The following DZIP3 variants were observed in gnomAD, a reference collection of about 807,000 sequenced individuals.
The protein encoded by DZIP3 is E3 ubiquitin-protein ligase DZIP3.
Under a neutral mutation model 162.0 loss-of-function variants are expected in DZIP3, and 118 were observed. That is an observed-to-expected ratio of 0.73 (90% CI 0.63 to 0.85). The LOEUF (loss-of-function observed/expected upper bound fraction) is 0.85, where lower values mean the gene tolerates loss of function less well. Among genes scored for constraint, DZIP3 ranks in the 40% least tolerant of loss-of-function variants. DZIP3 has a pLI of 0.00. For missense variants in DZIP3, 1,331 were observed against 1,407.0 expected, an observed-to-expected ratio of 0.95 and a Z score of 0.86; for synonymous variants, 438 against 458.6, an observed-to-expected ratio of 0.96 and a Z score of 0.57.
chr3:108,641,154 C>T (rs979647275), intron 12 of DZIP3, among the ~76,000 whole-genome samples: 1 of 151,908 alleles, frequency 6.6e-6, no homozygotes, highest in Non-Finnish European at 1.5e-5. Flanking sequence ...AATAATTATA[C>T]CACAGCATGT....
intron 1 of DZIP3, among the ~76,000 whole-genome samples, chr3:108,591,379 A>G (rs934357991): frequency 1.3e-5 from 2 of 152,254 alleles, no homozygotes; most frequent in African/African-American, 2.4e-5. Flanking sequence ...TGAAGTGATC[A>G]GAGTTTGATA....
At chr3:108,637,084 T>TA (rs1324647936) in intron 11 of DZIP3, among the ~76,000 whole-genome samples, 1 of 152,024 alleles carries the variant, frequency 6.6e-6, no homozygotes, top group Non-Finnish European at 1.5e-5. Flanking sequence ...TGAAGGTATC[T>TA]ACAGAACATC....
At chr3:108,596,280 C>T (rs572285228) in intron 1 of DZIP3, among the ~76,000 whole-genome samples, 6 of 152,274 alleles carry the variant, frequency 3.9e-5, no homozygotes, top group African/African-American at 1.4e-4. Flanking sequence ...GGGCAGATAC[C>T]TGGATTTCTA....
intron 25 of DZIP3, 70 bp from the exon 26 acceptor site, chr3:108,677,427 C>A: frequency 8.1e-7 from 1 of 1,241,272 alleles, no homozygotes; most frequent in South Asian, 1.2e-5. Context: ...AAAACTACAT[C>A]AGATATTCCC....
intron 21 of DZIP3, among the ~76,000 whole-genome samples, chr3:108,669,072 T>G (rs1231818638): frequency 2.6e-5 from 4 of 151,964 alleles, no homozygotes; most frequent in South Asian, 2.1e-4. Flanking sequence ...TTCTTACATA[T>G]TAATTTTGAA....
Position 108,661,905 on chromosome 3 carries a change from A to T in DZIP3, c.2228A>T (p.Tyr743Phe), listed in dbSNP as rs776499806. 1 of 1,613,988 alleles carries T rather than the reference A, an allele frequency of 6.2e-7. No homozygotes were observed. Among genetic ancestry groups the T allele is most frequent in the African/African-American group, 1.3e-5 (1 of 75,036 alleles). ...TCAGCTGGCAAAGTAACTACAGACT[A>T]TGGAGAAACTGAAAAGGAAAGGCTT... ...QGSAGKVTTDYGETEKERLAR... is the reference protein window; with the variant it reads ...QGSAGKVTTDFGETEKERLAR... Residue 743 changes from tyrosine to phenylalanine, a missense_variant, in exon 20 of 33, where the codon TAT becomes TTT. By Grantham distance (22) the Tyr-to-Phe change is conservative. Coordinates refer to ENST00000361582, the MANE Select transcript of DZIP3 (RefSeq NM_014648.4).
chr3:108,656,194 T>C (rs1471242293), intron 19 of DZIP3, among the ~76,000 whole-genome samples: 4 of 152,180 alleles, frequency 2.6e-5, no homozygotes, highest in African/African-American at 9.7e-5. Flanking sequence ...ACAGCCTGCC[T>C]CCTCAAGTGG....
chr3:108,613,085 C>G (rs1458506647), intron 4 of DZIP3, among the ~76,000 whole-genome samples: 1 of 152,010 alleles, frequency 6.6e-6, no homozygotes, highest in East Asian at 1.9e-4. Flanking sequence ...ATTTAGAAAT[C>G]AATACTGCAT....
At chr3:108,647,592 G>A (rs1399333410) in intron 15 of DZIP3, among the ~76,000 whole-genome samples, 2 of 152,108 alleles carry the variant, frequency 1.3e-5, no homozygotes, top group Non-Finnish European at 2.9e-5. Flanking sequence ...TCAGATATAT[G>A]TGCTAAAATA....
chr3:108,659,416 G>A (rs1008975331), intron 19 of DZIP3, among the ~76,000 whole-genome samples: 6 of 152,168 alleles, frequency 3.9e-5, no homozygotes, highest in African/African-American at 1.4e-4. Context: ...TGCAGAAAAG[G>A]CCTTTGACAA....
At chr3:108,668,036 T>G (rs56837037) in intron 21 of DZIP3, among the ~76,000 whole-genome samples, 2,895 of 152,260 alleles carry the variant, frequency 0.019, 100 homozygotes, top group African/African-American at 0.066. Context: ...AAATATTCTT[T>G]AATTGTAAAT....
At position 108,625,969 on chromosome 3, in the gene DZIP3, G is replaced by C; in HGVS notation, c.581G>C (p.Arg194Thr). The change falls in exon 7 of 33, where the codon AGA becomes ACA. Residue 194 changes from arginine to threonine, a missense_variant and splice_region_variant. Physicochemically the swap from Arg to Thr is moderately conservative, Grantham distance 71. Coordinates refer to ENST00000361582, the MANE Select transcript of DZIP3 (RefSeq NM_014648.4). ...GRGLLRCAQKRYNGGLLEFHK... is the reference protein window; with the variant it reads ...GRGLLRCAQKTYNGGLLEFHK... ...GGTTTACTGCGATGTGCTCAAAAGA[G>C]GTAAGGATTTTAATTAACGGGTAGA... The C allele has an allele frequency of 6.2e-7, 1 of 1,610,886 alleles. No individual in the cohort carries two copies. The highest frequency in any genetic ancestry group is 8.5e-7 in the Non-Finnish European group (1 of 1,178,936).
At chr3:108,618,441 G>A (rs934137661) in intron 5 of DZIP3, among the ~76,000 whole-genome samples, 2 of 152,110 alleles carry the variant, frequency 1.3e-5, no homozygotes, top group Admixed American at 1.3e-4. Context: ...CCCTTTTACT[G>A]TTCATAAGTA....
chr3:108,601,902 A>T (rs1050632203), intron 1 of DZIP3, among the ~76,000 whole-genome samples: 1 of 152,096 alleles, frequency 6.6e-6, no homozygotes, highest in Non-Finnish European at 1.5e-5. Flanking sequence ...TTTGCACATT[A>T]TTACATTTCT....
intron 19 of DZIP3, among the ~76,000 whole-genome samples, chr3:108,656,702 G>A (rs1233251291): frequency 6.6e-6 from 1 of 152,148 alleles, no homozygotes. Flanking sequence ...CGAGCTAAAG[G>A]AGGAAGTTCG....
At position 108,671,450 on chromosome 3, in the gene DZIP3, G is replaced by A. The variant is rs1943924360; in HGVS notation, c.2493-1110G>A. On this transcript the variant is annotated intron_variant, in intron 22 of 32. Transcript: ENST00000361582. ...GCTTATAGAATTCTGGGACTCAAGT[G>A]TAGGAAGCTGAGATGGGATAGATTA... 3.9e-5 allele frequency among the ~76,000 whole-genome samples: 6 copies of A among 151,994 alleles called. No individual in the cohort carries two copies. The South Asian group carries it at 1.2e-3, about 31-fold the overall frequency.
intron 21 of DZIP3, 94 bp from the exon 22 acceptor site, chr3:108,669,586 CT>C: frequency 9.0e-7 from 1 of 1,114,700 alleles, no homozygotes; most frequent in South Asian, 1.5e-5. Flanking sequence ...AATGGACATA[CT>C]TTATCTCCTC....
rs541569780 is a variant in DZIP3 at position 108,681,681 on chromosome 3, A to C, written c.2884-2535A>C. 6.6e-5 allele frequency among the ~76,000 whole-genome samples: 10 copies of C among 152,234 alleles called. No individual in the cohort carries two copies. In the South Asian group the frequency reaches 2.1e-3, roughly 32 times the overall value. ...AGTAGCAAAGACTTGAAACCAACCC[A>C]AATGCCCATCAGTGATAAACTGGAT... On this transcript the variant is annotated intron_variant, in intron 26 of 32. Coordinates refer to ENST00000361582, the MANE Select transcript of DZIP3 (RefSeq NM_014648.4).
chr3:108,631,055 A>ACACACACACACACACACACTCTCTCT, intron 8 of DZIP3, among the ~76,000 whole-genome samples: 24 of 18,018 alleles, frequency 1.3e-3, no homozygotes, highest in East Asian at 2.5e-3. Flanking sequence ...ACACACACAC[A>ACACACACACACACACACACTCTCTCT]CTCTCTCTCT....
Sources: allele counts gnomAD v4.1 joint callset (sites outside exome capture counted in the v4.1 genomes callset), GRCh38; gene constraint gnomAD v4.1.1; transcripts MANE v1.5; gene names NCBI Gene and HGNC (gene_info 2026-07-23, HGNC 2026-07-21).